The following LRP1B variants were observed in gnomAD, a reference collection of about 807,000 sequenced individuals.
LRP1B encodes the protein low-density lipoprotein receptor-related protein 1B.
A neutral mutation model predicts 556.6 loss-of-function variants in LRP1B; 217 were observed. The observed-to-expected ratio is 0.39, with a 90% CI of 0.35 to 0.44. LRP1B has a LOEUF of 0.44. LRP1B is among the 20% of genes least tolerant of loss of function. The pLI is 1.00. For missense variants in LRP1B, 5,053 were observed against 5,620.8 expected (o/e 0.90, Z 3.23); for synonymous variants, 2,047 against 1,865.8 (o/e 1.10, Z -2.50).
rs553623796 is a variant in LRP1B, at chr2:140,812,270, G to A, written c.5359+1387C>T. On this transcript the variant is annotated intron_variant, in intron 32 of 90. Transcript: ENST00000389484. ...AAAGTACATTCATTTAGAACTTCAA[G>A]TGATTCTCACAACTTTGTGATATAG... Among the ~76,000 whole-genome samples the A allele has an allele frequency of 2.0e-5, 3 of 152,160 alleles. No homozygotes were observed. The East Asian group carries it at 5.8e-4, about 29-fold the overall frequency.
chr2:141,321,943 T>A (rs1372006848), intron 3 of LRP1B, among the ~76,000 whole-genome samples: 1 of 152,090 alleles, frequency 6.6e-6, no homozygotes, highest in African/African-American at 2.4e-5. Context: ...CCCAATAGTA[T>A]GCACTAGAGC....
intron 6 of LRP1B, among the ~76,000 whole-genome samples, chr2:141,225,865 C>T (rs1683225955): frequency 6.6e-6 from 1 of 152,010 alleles, no homozygotes; most frequent in Non-Finnish European, 1.5e-5. Context: ...CTTTTCAGTG[C>T]TATAAACTTC....
intron 2 of LRP1B, among the ~76,000 whole-genome samples, chr2:141,590,777 G>C (rs1048040926): frequency 2.0e-5 from 3 of 151,916 alleles, no homozygotes; most frequent in South Asian, 2.1e-4. Flanking sequence ...CAGATATGCC[G>C]GGCTGCTGAC....
At chr2:142,054,883 C>T (rs567394809) in intron 1 of LRP1B, among the ~76,000 whole-genome samples, 24 of 152,138 alleles carry the variant, frequency 1.6e-4, no homozygotes, top group African/African-American at 5.1e-4. Flanking sequence ...CTCAACTTCT[C>T]TTTAAAATTT....
intron 50 of LRP1B, among the ~76,000 whole-genome samples, chr2:140,515,765 T>C (rs1366606603): frequency 6.6e-6 from 1 of 152,052 alleles, no homozygotes; most frequent in Admixed American, 6.6e-5. Flanking sequence ...GTTAGTCTTG[T>C]TCAAAATCTG....
At chr2:141,397,817 A>C (rs576874186) in intron 3 of LRP1B, among the ~76,000 whole-genome samples, 1 of 150,662 alleles carries the variant, frequency 6.6e-6, no homozygotes, top group African/African-American at 2.4e-5. Flanking sequence ...TTATATATAC[A>C]TATATATTTA....
chr2:141,427,122 G>A (rs957121226), intron 3 of LRP1B, among the ~76,000 whole-genome samples: 1 of 152,086 alleles, frequency 6.6e-6, no homozygotes, highest in Non-Finnish European at 1.5e-5. Flanking sequence ...CGAACAATTA[G>A]TGCATAAATT....
rs866345738 is a variant in LRP1B at position 140,430,061 on chromosome 2, C to T, written c.10414+12443G>A. The stretch of plus-strand genomic sequence containing the variant: ...GCGTCTCTCTGACACACCTGAAATT[C>T]ACTCCATTTCCCCATATTTCCTTCT... On this transcript the variant is annotated intron_variant, in intron 66 of 90. Transcript: ENST00000389484. Among the ~76,000 whole-genome samples, 6 of 152,202 alleles carry T rather than the reference C, an allele frequency of 3.9e-5. No homozygotes were observed. In the South Asian group the frequency reaches 6.2e-4, roughly 16 times the overall value.
At chr2:141,700,609 C>T (rs937557066) in intron 2 of LRP1B, among the ~76,000 whole-genome samples, 3 of 151,756 alleles carry the variant, frequency 2.0e-5, no homozygotes, top group Non-Finnish European at 2.9e-5. Flanking sequence ...CCTTCTCCTG[C>T]GCTATTTCTC....
intron 2 of LRP1B, among the ~76,000 whole-genome samples, chr2:141,774,040 T>C (rs947772280): frequency 1.3e-5 from 2 of 152,238 alleles, no homozygotes; most frequent in African/African-American, 2.4e-5. Flanking sequence ...CATATCAATT[T>C]TATCATGCAT....
intron 1 of LRP1B, among the ~76,000 whole-genome samples, chr2:141,975,833 C>A (rs139550041): frequency 6.6e-6 from 1 of 152,020 alleles, no homozygotes; most frequent in African/African-American, 2.4e-5. Context: ...CCAGGGAAAC[C>A]GTAAAGTTTC....
intron 32 of LRP1B, among the ~76,000 whole-genome samples, chr2:140,799,896 T>A (rs1433500064): frequency 6.6e-6 from 1 of 152,090 alleles, no homozygotes; most frequent in Non-Finnish European, 1.5e-5. Flanking sequence ...CTGGGGCTTG[T>A]CGGACAGTGG....
intron 1 of LRP1B, among the ~76,000 whole-genome samples, chr2:142,015,637 C>T (rs903008223): frequency 3.9e-5 from 6 of 152,048 alleles, no homozygotes; most frequent in Non-Finnish European, 8.8e-5. Context: ...TGACAAAGGG[C>T]TAATATCCAG....
At chr2:141,260,707 G>C (rs531004253) in intron 3 of LRP1B, among the ~76,000 whole-genome samples, 1 of 152,304 alleles carries the variant, frequency 6.6e-6, no homozygotes, top group South Asian at 2.1e-4. Context: ...ATTGGATTTA[G>C]CAAGACAGTG....
rs1325773655 is a variant in LRP1B at position 141,423,295 on chromosome 2, T to C, written c.343+57101A>G. 8.0e-5 allele frequency among the ~76,000 whole-genome samples: 9 copies of C among 112,516 alleles called. No individual in the cohort carries two copies. The South Asian group carries it at 2.9e-3, about 36-fold the overall frequency. The allele number at this position is 112,516 out of a possible 152,430, so 73.8% of individuals were successfully genotyped here. A position where few individuals can be genotyped will look rare whatever the true frequency, so the allele number is the denominator to read the frequency against. The stretch of plus-strand genomic sequence containing the variant: ...TCACTAGGCAACAGCCAGAGCTTTT[T>C]TTTTTTTTTTTTTTTTTTTTTAAGG... On this transcript the variant is annotated intron_variant, in intron 3 of 90. Coordinates refer to ENST00000389484, the MANE Select transcript of LRP1B (RefSeq NM_018557.3).
intron 66 of LRP1B, among the ~76,000 whole-genome samples, chr2:140,395,793 G>T (rs1474830475): frequency 6.6e-6 from 1 of 152,116 alleles, no homozygotes. Flanking sequence ...ATATTCAGTG[G>T]ACATTTTTTG....
chr2:141,334,843 T>G (rs1687787140), intron 3 of LRP1B, among the ~76,000 whole-genome samples: 1 of 152,146 alleles, frequency 6.6e-6, no homozygotes, highest in Non-Finnish European at 1.5e-5. Context: ...TGACCCACCA[T>G]GCCCGGCCCA....
chr2:141,040,115 T>C (rs554901897), intron 11 of LRP1B, among the ~76,000 whole-genome samples: 8 of 152,196 alleles, frequency 5.3e-5, no homozygotes, highest in African/African-American at 1.7e-4. Flanking sequence ...TTAGACTATA[T>C]GGCATGACTG....
At chr2:141,339,432 C>T (rs927141552) in intron 3 of LRP1B, among the ~76,000 whole-genome samples, 12 of 152,224 alleles carry the variant, frequency 7.9e-5, no homozygotes, top group African/African-American at 2.9e-4. Context: ...TCTTTTACTA[C>T]ATATTGGGCT....
Sources: allele counts gnomAD v4.1 joint callset (sites outside exome capture counted in the v4.1 genomes callset), GRCh38; gene constraint gnomAD v4.1.1; transcripts MANE v1.5; gene names NCBI Gene and HGNC (gene_info 2026-07-23, HGNC 2026-07-21).